The following ZSWIM6 variants were observed in gnomAD, a reference collection of about 807,000 sequenced individuals.
The protein encoded by ZSWIM6 is zinc finger SWIM domain-containing protein 6.
A neutral mutation model predicts 113.2 loss-of-function variants in ZSWIM6; 9 were observed. The ratio of observed to expected loss-of-function variants is 0.08; its 90% CI spans 0.05 to 0.14. ZSWIM6 has a LOEUF of 0.14. Ranked by LOEUF, ZSWIM6 falls within the 10% of genes least tolerant of loss-of-function variation. The pLI is 1.00. For missense variants in ZSWIM6, 1,162 were observed against 1,552.2 expected, an observed-to-expected ratio of 0.75 and a Z score of 4.22; for synonymous variants, 611 against 606.5, an observed-to-expected ratio of 1.01 and a Z score of -0.11.
Position 61,406,805 on chromosome 5 carries a change from C to T in ZSWIM6, c.677-65876C>T, listed in dbSNP as rs370742728. On this transcript the variant is annotated intron_variant, in intron 1 of 13. Transcript: ENST00000252744. ...TCGGCTCTCTGCAGCCTCTGCCTCC[C>T]GGGTTCAAGCGATTCTCCTGCCTCA... 2.0e-4 allele frequency among the ~76,000 whole-genome samples: 30 copies of T among 152,128 alleles called. No homozygotes were observed. In the East Asian group the frequency reaches 4.4e-3, roughly 23 times the overall value.
chr5:61,501,138 G>T (rs1256124867), intron 4 of ZSWIM6, among the ~76,000 whole-genome samples: 1 of 152,160 alleles, frequency 6.6e-6, no homozygotes, highest in East Asian at 1.9e-4. Context: ...TCATTACTGG[G>T]GCATGTTTTC....
At chr5:61,530,571 CT>C (rs1351126833) in intron 8 of ZSWIM6, among the ~76,000 whole-genome samples, 1 of 152,144 alleles carries the variant, frequency 6.6e-6, no homozygotes, top group Admixed American at 6.5e-5. Context: ...TCAAATTTGT[CT>C]TTGCATTGAA....
intron 1 of ZSWIM6, among the ~76,000 whole-genome samples, chr5:61,396,560 G>A (rs984679637): frequency 1.3e-5 from 2 of 149,402 alleles, no homozygotes; most frequent in Admixed American, 6.7e-5. Context: ...AGAATTGAAT[G>A]TTTTCATTCA....
chr5:61,521,516 A>G, intron 5 of ZSWIM6, 74 bp downstream of exon 5: 2 of 1,199,138 alleles, frequency 1.7e-6, no homozygotes, highest in Non-Finnish European at 2.2e-6. Context: ...AGTAACTTAC[A>G]ATGTATATGG....
At chr5:61,505,706 C>CCCTT (rs1227841516) in intron 4 of ZSWIM6, among the ~76,000 whole-genome samples, 17 of 103,822 alleles carry the variant, frequency 1.6e-4, no homozygotes, top group Non-Finnish European at 2.8e-4. Flanking sequence ...CTTCCTTCCT[C>CCCTT]CCTTCCTTCC....
intron 1 of ZSWIM6, among the ~76,000 whole-genome samples, chr5:61,334,715 T>C (rs1406930031): frequency 6.6e-6 from 1 of 152,214 alleles, no homozygotes; most frequent in Non-Finnish European, 1.5e-5. Context: ...TTTGAGGCTA[T>C]TCATCTATCC....
chr5:61,475,769 A>G (rs1423264224), intron 2 of ZSWIM6, among the ~76,000 whole-genome samples: 3 of 152,142 alleles, frequency 2.0e-5, no homozygotes, highest in Non-Finnish European at 4.4e-5. Flanking sequence ...TCTTATTTTA[A>G]TTGTTAATGA....
At chr5:61,542,746 T>C (rs551371015) in intron 13 of ZSWIM6, among the ~76,000 whole-genome samples, 21 of 152,302 alleles carry the variant, frequency 1.4e-4, no homozygotes, top group African/African-American at 4.6e-4. Context: ...CATGCTTTAG[T>C]GAAGCAAAAC....
At chr5:61,465,379 C>A (rs1263991187) in intron 1 of ZSWIM6, among the ~76,000 whole-genome samples, 2 of 150,890 alleles carry the variant, frequency 1.3e-5, no homozygotes, top group East Asian at 3.9e-4. Context: ...GGTAGGGAAC[C>A]CTTATGTGCT....
In ZSWIM6 at chr5:61,437,717, CAAAA is replaced by C. The variant is rs1177075747; in HGVS notation, c.677-34945_677-34942del. ...GGTTGACAGAACCAGACCCTTTCTC[CAAAA>C]AAAAAAAAAAAAAAAAAAGAAATCC... On this transcript the variant is annotated intron_variant, in intron 1 of 13. Transcript: ENST00000252744. Among the ~76,000 whole-genome samples, 6 of 56,860 alleles carry C rather than the reference CAAAA, an allele frequency of 1.1e-4. No individual in the cohort carries two copies. In the South Asian group the frequency reaches 1.6e-3, roughly 15 times the overall value. 37.3% of individuals were successfully genotyped at this position (56,860 alleles called of 152,430 possible).
At chr5:61,335,563 G>C (rs1157659959) in intron 1 of ZSWIM6, among the ~76,000 whole-genome samples, 1 of 152,190 alleles carries the variant, frequency 6.6e-6, no homozygotes, top group African/African-American at 2.4e-5. Context: ...TTTGATTTGA[G>C]GTAGAACGCT....
chr5:61,500,380 C>G (rs1346708783), intron 4 of ZSWIM6, among the ~76,000 whole-genome samples: 1 of 152,078 alleles, frequency 6.6e-6, no homozygotes. Flanking sequence ...CCCACCTCAG[C>G]CTCCCAAAGT....
chr5:61,433,634 G>A (rs551259746), intron 1 of ZSWIM6, among the ~76,000 whole-genome samples: 124 of 152,002 alleles, frequency 8.2e-4, no homozygotes, highest in African/African-American at 2.8e-3. Flanking sequence ...CACCATGCCC[G>A]GCTAATTTTT....
At chr5:61,351,051 T>C (rs1047135326) in intron 1 of ZSWIM6, among the ~76,000 whole-genome samples, 1 of 152,248 alleles carries the variant, frequency 6.6e-6, no homozygotes. Flanking sequence ...AAAATCTGTC[T>C]CATTACCATT....
intron 1 of ZSWIM6, among the ~76,000 whole-genome samples, chr5:61,363,132 C>T (rs766341376): frequency 2.0e-5 from 3 of 151,848 alleles, no homozygotes; most frequent in Non-Finnish European, 4.4e-5. Context: ...GGAGACTGTG[C>T]CCTCCTTTCC....
At chr5:61,372,305 A>G (rs1222075875) in intron 1 of ZSWIM6, among the ~76,000 whole-genome samples, 7 of 150,518 alleles carry the variant, frequency 4.7e-5, no homozygotes. Flanking sequence ...TTTCATATCC[A>G]AATTTCTTCA....
At chr5:61,390,420 T>C (rs979961139) in intron 1 of ZSWIM6, among the ~76,000 whole-genome samples, 7 of 152,176 alleles carry the variant, frequency 4.6e-5, no homozygotes, top group African/African-American at 1.7e-4. Flanking sequence ...AGTATTAAAT[T>C]TGAATCTATG....
Position 61,545,886 on chromosome 5 carries a change from G to A in ZSWIM6, c.*1569G>A, listed in dbSNP as rs1749875655. On this transcript the variant is annotated 3_prime_UTR_variant, in exon 14 of 14. Coordinates refer to ENST00000252744, the MANE Select transcript of ZSWIM6 (RefSeq NM_020928.2). ...ATTTTTATGTTTTGGTGCAAAAGTTGTCCAGTGTCTCTTGTTCCCTTCACT... is the reference window on the plus strand; with the variant it reads ...ATTTTTATGTTTTGGTGCAAAAGTTATCCAGTGTCTCTTGTTCCCTTCACT... 6.6e-6 allele frequency: 1 copy of A among 152,080 alleles called. No individual in the cohort carries two copies. The highest frequency in any genetic ancestry group is 6.6e-5 in the Admixed American group (1 of 15,262). The allele number at this position is 152,080 out of a possible 1,614,324, so 9.4% of individuals were successfully genotyped here.
At chr5:61,453,796 C>T (rs1246127411) in intron 1 of ZSWIM6, among the ~76,000 whole-genome samples, 1 of 151,456 alleles carries the variant, frequency 6.6e-6, no homozygotes, top group African/African-American at 2.4e-5. Flanking sequence ...ACTCCACCTA[C>T]AGGAGGAGGA....
Sources: gnomAD v4.1 joint callset for allele counts (sites outside exome capture counted in the v4.1 genomes callset) on GRCh38, gnomAD v4.1.1 for gene constraint, MANE v1.5 for transcripts, NCBI Gene and HGNC (gene_info 2026-07-23, HGNC 2026-07-21) for gene names.